The following CSNK1E variants were observed in gnomAD, a reference collection of about 807,000 sequenced individuals.
CSNK1E encodes the protein casein kinase I isoform epsilon.
Under a neutral mutation model 46.1 loss-of-function variants are expected in CSNK1E, and 17 were observed. The observed-to-expected ratio is 0.37, with a 90% CI of 0.25 to 0.55. The LOEUF is 0.55. Ranked by LOEUF, CSNK1E falls within the 20% of genes least tolerant of loss-of-function variation. The pLI is 0.82. For synonymous variants in CSNK1E, 241 were observed against 242.6 expected (o/e 0.99, Z 0.06); for missense variants, 386 against 595.4 (o/e 0.65, Z 3.66).
intron 2 of CSNK1E, among the ~76,000 whole-genome samples, chr22:38,312,501 G>A (rs56182369): frequency 0.059 from 9,051 of 152,194 alleles, 299 homozygotes; most frequent in African/African-American, 0.089. Context: ...CACCCACTGC[G>A]CTGGGCACTA....
At chr22:38,302,119 T>C (rs950434009) in intron 4 of CSNK1E, among the ~76,000 whole-genome samples, 1 of 152,176 alleles carries the variant, frequency 6.6e-6, no homozygotes, top group Non-Finnish European at 1.5e-5. Context: ...ATGAGGCCAC[T>C]GAGGCTCAGA....
chr22:38,299,300 G>T (rs1194307434), intron 6 of CSNK1E, among the ~76,000 whole-genome samples: 2 of 152,200 alleles, frequency 1.3e-5, no homozygotes, highest in African/African-American at 4.8e-5. Flanking sequence ...AGAGCCTGAC[G>T]GGACCTTCTA....
chr22:38,305,121 CAAAAAAA>C (rs33987200), intron 2 of CSNK1E, among the ~76,000 whole-genome samples: 7 of 52,846 alleles, frequency 1.3e-4, no homozygotes, highest in Middle Eastern at 0.019. Context: ...AACTCCAGCT[CAAAAAAA>C]AAAAAAAAAA....
rs1012714708 is a variant in CSNK1E, at chr22:38,293,313, C to T, written c.1225G>A (p.Val409Met). Reference protein sequence around the residue: ...VSRIPASQTSVPFDHLGK With the variant: ...VSRIPASQTSMPFDHLGK The stretch of plus-strand genomic sequence containing the variant: ...CACTTCCCGAGATGGTCAAATGGCA[C>T]ACTTGTCTTTTGAGGGTGGGGAGGG... The change falls in exon 10 of 11, where the codon GTG (valine) becomes ATG (methionine). Residue 409 changes from valine (V) to methionine (M), a missense_variant. Around this residue, in one of 2 missense-constraint regions of CSNK1E, gnomAD observed 174 missense variants for 185.2 expected, o/e 0.94. Transcript: ENST00000396832. 2 of 1,608,638 alleles carry T rather than the reference C, an allele frequency of 1.2e-6. No individual in the cohort carries two copies. The highest frequency in any genetic ancestry group is 1.7e-5 in the Admixed American group (1 of 59,802).
In CSNK1E at chr22:38,300,552, G is replaced by C. The variant is rs573059471; in HGVS notation, c.565+172C>G. On this transcript the variant is annotated intron_variant, in intron 5 of 10. Transcript: ENST00000396832. The surrounding 1 kb of genome is among the most constrained non-coding windows in gnomAD (Gnocchi z 4.4). ...GCTTGGCTTACGAAGGGGAAGACCCGACTGTGCAAGGACACGGAATAAGCA... is the reference window on the plus strand; with the variant it reads ...GCTTGGCTTACGAAGGGGAAGACCCCACTGTGCAAGGACACGGAATAAGCA... Among the ~76,000 whole-genome samples, 1 of 152,232 alleles carries C rather than the reference G, an allele frequency of 6.6e-6. No individual in the cohort carries two copies. The highest frequency in any genetic ancestry group is 1.5e-5 in the Non-Finnish European group (1 of 68,048).
At position 38,297,955 on chromosome 22, in the gene CSNK1E, C is replaced by G. The variant is rs576068854; in HGVS notation, c.885+831G>C. 20 of 1,125,238 alleles carry G rather than the reference C, an allele frequency of 1.8e-5. No homozygotes were observed. In the South Asian group the frequency reaches 3.2e-4, roughly 18 times the overall value. The allele number at this position is 1,125,238 out of a possible 1,614,324, so 69.7% of individuals were successfully genotyped here. ...GGGGACAGCTCCTCCACCTCCTCCACCGGCCTATCTGGGGGGCTCTGGGTG... is the reference window on the plus strand; with the variant it reads ...GGGGACAGCTCCTCCACCTCCTCCAGCGGCCTATCTGGGGGGCTCTGGGTG... On this transcript the variant is annotated intron_variant, in intron 7 of 10. Coordinates refer to ENST00000396832, the MANE Select transcript of CSNK1E (RefSeq NM_152221.3).
chr22:38,300,075 G>A lies in CSNK1E; in HGVS notation c.566-10C>T. On this transcript the variant is annotated splice_polypyrimidine_tract_variant and intron_variant, in intron 5 of 10. Coordinates refer to ENST00000396832, the MANE Select transcript of CSNK1E (RefSeq NM_152221.3). The surrounding 1 kb of genome is among the most constrained non-coding windows in gnomAD (Gnocchi z 4.4). ...TCTCGACGGCTTTGCTCTGCACAGA[G>A]AGTCAAAGACTAGGTGAGGGACAGG... The A allele has an allele frequency of 6.2e-7, 1 of 1,612,680 alleles. No homozygotes were observed. The highest frequency in any genetic ancestry group is 8.5e-7 in the Non-Finnish European group (1 of 1,179,268).
chr22:38,303,079 TG>T lies in CSNK1E; in HGVS notation c.187+58del. The T allele has an allele frequency of 1.2e-6, 2 of 1,600,302 alleles. No homozygotes were observed. Among genetic ancestry groups the T allele is most frequent in the Non-Finnish European group, 1.7e-6 (2 of 1,173,518 alleles). ...AGCCAGCCACGCCCGGCCCACCCTG[TG>T]CTCATGGCTGCCCACCGCCACCCAC... On this transcript the variant is annotated intron_variant, in intron 3 of 10. Coordinates refer to ENST00000396832, the MANE Select transcript of CSNK1E (RefSeq NM_152221.3). This position sits in a 1 kb window ranked among gnomAD's most constrained non-coding sequence, Gnocchi z 4.7.
At position 38,314,291 on chromosome 22, in the gene CSNK1E, T is replaced by C. The variant is rs2092733963; in HGVS notation, c.-12-122A>G. ...ACCTGCATTCTCGAAGACCACATTC[T>C]GCAGGTGTCAGGTGGCCCACAGCCT... On this transcript the variant is annotated intron_variant, in intron 1 of 10. Transcript: ENST00000396832. 3 of 704,586 alleles carry C rather than the reference T, an allele frequency of 4.3e-6. No homozygotes were observed. In the Admixed American group the frequency reaches 6.4e-5, roughly 15 times the overall value. The allele number at this position is 704,586 out of a possible 1,614,324, so 43.6% of individuals were successfully genotyped here. A position where few individuals can be genotyped will look rare whatever the true frequency, so the allele number is the denominator to read the frequency against.
rs985659768 is a variant in CSNK1E at position 38,298,959 on chromosome 22, G to A, written c.737-25C>T. ...GCTGGAGGGTGTTGCAGAGGATAGA[G>A]AAGGCCACTGTGAGGCCCACGCTCC... On this transcript the variant is annotated intron_variant, in intron 6 of 10. Coordinates refer to ENST00000396832, the MANE Select transcript of CSNK1E (RefSeq NM_152221.3). This position sits in a 1 kb window ranked among gnomAD's most constrained non-coding sequence, Gnocchi z 4.2. 1.2e-6 allele frequency: 2 copies of A among 1,613,614 alleles called. No individual in the cohort carries two copies. The highest frequency in any genetic ancestry group is 2.7e-5 in the African/African-American group (2 of 74,912).
chr22:38,294,849 C>T lies in CSNK1E; in HGVS notation c.886-315G>A, dbSNP rs2092631415. Among the ~76,000 whole-genome samples, 1 of 152,162 alleles carries T rather than the reference C, an allele frequency of 6.6e-6. No individual in the cohort carries two copies. Among genetic ancestry groups the T allele is most frequent in the South Asian group, 2.1e-4 (1 of 4,832 alleles). On this transcript the variant is annotated intron_variant, in intron 7 of 10. Transcript: ENST00000396832. The surrounding 1 kb of genome is among the most constrained non-coding windows in gnomAD (Gnocchi z 5.5). ...AGGATGATCAAGAGCACCTCTTGGC[C>T]CTCCTGACCTGGGGCTGGGCCTGCC...
chr22:38,293,137 G>A (rs1041940313), intron 10 of CSNK1E, 118 bp downstream of exon 10: 17 of 835,300 alleles, frequency 2.0e-5, no homozygotes, highest in Non-Finnish European at 3.3e-5. Flanking sequence ...GGGGCGCCTG[G>A]TACCATCTGC....
At chr22:38,310,477 A>G (rs536793529) in intron 2 of CSNK1E, among the ~76,000 whole-genome samples, 2 of 152,342 alleles carry the variant, frequency 1.3e-5, no homozygotes, top group South Asian at 2.1e-4. Flanking sequence ...CGGCAGCAGC[A>G]GCGGCGGCAA....
At chr22:38,306,976 G>C (rs1195999127) in intron 2 of CSNK1E, among the ~76,000 whole-genome samples, 1 of 152,138 alleles carries the variant, frequency 6.6e-6, no homozygotes, top group East Asian at 1.9e-4. Context: ...TTCGAGACCA[G>C]CCTAAGCAAC....
chr22:38,303,394 G>T lies in CSNK1E; in HGVS notation c.77-146C>A. On this transcript the variant is annotated intron_variant, in intron 2 of 10. Transcript: ENST00000396832. The surrounding 1 kb of genome is among the most constrained non-coding windows in gnomAD (Gnocchi z 4.7). ...GAGCTCTTGGGGGAGGCTGGGAAGG[G>T]GGCAAAGGAGCCCCGGCAAAGGGTT... 1 of 675,830 alleles carries T rather than the reference G, an allele frequency of 1.5e-6. No individual in the cohort carries two copies. The highest frequency in any genetic ancestry group is 1.8e-5 in the African/African-American group (1 of 55,280). The allele number at this position is 675,830 out of a possible 1,614,324, so 41.9% of individuals were successfully genotyped here. A position where few individuals can be genotyped will look rare whatever the true frequency, so the allele number is the denominator to read the frequency against.
At chr22:38,293,343 AG>A in intron 9 of CSNK1E, 24 bp from the exon 10 acceptor site, 2 of 1,325,612 alleles carry the variant, frequency 1.5e-6, no homozygotes, top group Non-Finnish European at 2.2e-6. Context: ...GGAGGGAGAG[AG>A]GGGGAGGGAG....
At chr22:38,307,122 G>A (rs1482874124) in intron 2 of CSNK1E, among the ~76,000 whole-genome samples, 1 of 152,116 alleles carries the variant, frequency 6.6e-6, no homozygotes, top group African/African-American at 2.4e-5. Context: ...GGTGAGCTAT[G>A]ATCACACCAC....
Position 38,298,574 on chromosome 22 carries a change from G to A in CSNK1E, c.885+212C>T, listed in dbSNP as rs773379189. 29 of 585,938 alleles carry A rather than the reference G, an allele frequency of 4.9e-5. No individual in the cohort carries two copies. Among genetic ancestry groups the A allele is most frequent in the Non-Finnish European group, 7.5e-5 (25 of 333,442 alleles). 36.3% of individuals were successfully genotyped at this position (585,938 alleles called of 1,614,324 possible). A position where few individuals can be genotyped will look rare whatever the true frequency, so the allele number is the denominator to read the frequency against. On this transcript the variant is annotated intron_variant, in intron 7 of 10. Transcript: ENST00000396832. This position sits in a 1 kb window ranked among gnomAD's most constrained non-coding sequence, Gnocchi z 4.2. ...CCTCCTTGTTCCGACGGGAGACAGC[G>A]CCCTGCCTGGGCCCTGCTGCCCATG...
In CSNK1E at chr22:38,298,479, C is replaced by G. The variant is rs1287820468; in HGVS notation, c.885+307G>C. On this transcript the variant is annotated intron_variant, in intron 7 of 10. Transcript: ENST00000396832. This position sits in a 1 kb window ranked among gnomAD's most constrained non-coding sequence, Gnocchi z 4.2. ...ACGGTGTAGGCAGCAATCAGGGCAG[C>G]AGGGGGCGCCGCCAGCACCACCCAT... is the stretch of plus-strand genomic sequence containing the variant. The G allele has an allele frequency of 5.0e-6, 2 of 403,622 alleles. No homozygotes were observed. The allele number at this position is 403,622 out of a possible 1,614,324, so 25.0% of individuals were successfully genotyped here.
Sources: gnomAD v4.1 joint callset for allele counts (sites outside exome capture counted in the v4.1 genomes callset) on GRCh38, gnomAD v4.1.1 for gene constraint, gnomAD v4.1.1 regional missense constraint, Gnocchi (gnomAD v3.1) non-coding constraint, MANE v1.5 for transcripts, NCBI Gene and HGNC (gene_info 2026-07-23, HGNC 2026-07-21) for gene names.